Variants in ARHGAP31 observed in about 807,000 individuals in gnomAD.
ARHGAP31 encodes rho GTPase-activating protein 31.
In ARHGAP31, 34 loss-of-function variants were observed where a neutral mutation model predicts 113.9. The observed-to-expected ratio is 0.30, with a 90% CI of 0.23 to 0.40. ARHGAP31 has a LOEUF of 0.40. Among genes scored for constraint, ARHGAP31 ranks in the 10% least tolerant of loss-of-function variants. The pLI is 1.00. For missense variants in ARHGAP31, 1,548 were observed against 1,767.1 expected (o/e 0.88, Z 2.22); for synonymous variants, 650 against 684.8 (o/e 0.95, Z 0.79).
chr3:119,414,558 G>GA lies in ARHGAP31; in HGVS notation c.2630dup (p.Asp877GlufsTer13). On this transcript the variant is annotated frameshift_variant, in exon 12 of 12. Coordinates refer to ENST00000264245, the MANE Select transcript of ARHGAP31 (RefSeq NM_020754.4). LOFTEE classifies it high-confidence loss of function. Reference sequence around the variant, plus strand: ...TGAGATCGTCTCACAAGAAGAGGAGGATGTAACCCATTCAGTACAGGAGCC... The same window carrying GA: ...TGAGATCGTCTCACAAGAAGAGGAGGAATGTAACCCATTCAGTACAGGAGCC... 1 of 1,614,222 alleles carries GA rather than the reference G, an allele frequency of 6.2e-7. No homozygotes were observed. The highest frequency in any genetic ancestry group is 8.5e-7 in the Non-Finnish European group (1 of 1,180,038).
At chr3:119,347,567 T>A (rs1345207032) in intron 1 of ARHGAP31, among the ~76,000 whole-genome samples, 1 of 152,186 alleles carries the variant, frequency 6.6e-6, no homozygotes, top group Non-Finnish European at 1.5e-5. Context: ...AGTGTCTTCA[T>A]GGAAGCTTTA....
intron 10 of ARHGAP31, among the ~76,000 whole-genome samples, chr3:119,408,850 A>G (rs2080689097): frequency 6.6e-6 from 1 of 152,198 alleles, no homozygotes; most frequent in Non-Finnish European, 1.5e-5. Context: ...TAAGAACAGA[A>G]CTTAATCACT....
chr3:119,309,693 A>G (rs947665628), intron 1 of ARHGAP31, among the ~76,000 whole-genome samples: 2 of 152,032 alleles, frequency 1.3e-5, no homozygotes, highest in African/African-American at 4.8e-5. Context: ...CCAGGAGGTC[A>G]AAGCCGCAGT....
intron 8 of ARHGAP31, among the ~76,000 whole-genome samples, chr3:119,396,283 G>A (rs2080549762): frequency 6.6e-6 from 1 of 152,188 alleles, no homozygotes; most frequent in Non-Finnish European, 1.5e-5. Context: ...CAGAAGTTCT[G>A]TGGTGAGGTC....
chr3:119,359,179 G>A (rs574028057), intron 1 of ARHGAP31, among the ~76,000 whole-genome samples: 6 of 151,872 alleles, frequency 4.0e-5, no homozygotes, highest in Non-Finnish European at 5.9e-5. Flanking sequence ...CACCATGCCC[G>A]GCTAGTTTTT....
At chr3:119,384,071 T>A (rs2080426813) in intron 6 of ARHGAP31, among the ~76,000 whole-genome samples, 1 of 152,226 alleles carries the variant, frequency 6.6e-6, no homozygotes, top group African/African-American at 2.4e-5. Context: ...GGAGAATCAC[T>A]GGTGCATAAA....
intron 1 of ARHGAP31, among the ~76,000 whole-genome samples, chr3:119,337,983 G>T (rs560967114): frequency 6.6e-6 from 1 of 152,298 alleles, no homozygotes; most frequent in South Asian, 2.1e-4. Flanking sequence ...ATTCATTTAA[G>T]GTCTATATAT....
At chr3:119,295,214 T>C (rs1376730774) in intron 1 of ARHGAP31, among the ~76,000 whole-genome samples, 2 of 151,758 alleles carry the variant, frequency 1.3e-5, no homozygotes. Flanking sequence ...GAGGCTGCTG[T>C]GTCAGTCCTT....
At chr3:119,296,764 G>A (rs2079536917) in intron 1 of ARHGAP31, among the ~76,000 whole-genome samples, 1 of 152,064 alleles carries the variant, frequency 6.6e-6, no homozygotes, top group South Asian at 2.1e-4. Flanking sequence ...AAAAAAAACA[G>A]AGACTACTGC....
rs1260657578 is a variant in ARHGAP31 at position 119,417,185 on chromosome 3, A to C, written c.*921A>C. On this transcript the variant is annotated 3_prime_UTR_variant, in exon 12 of 12. Transcript: ENST00000264245. ...GGATGTCACCATAGATAAAAGCCTC[A>C]TACAAAGGCAGAACTACACTCCAAA... 1 of 152,190 alleles carries C rather than the reference A, an allele frequency of 6.6e-6. No individual in the cohort carries two copies. The highest frequency in any genetic ancestry group is 2.4e-5 in the African/African-American group (1 of 41,436). The allele number at this position is 152,190 out of a possible 1,614,324, so 9.4% of individuals were successfully genotyped here.
At chr3:119,377,059 G>T (rs926443946) in intron 3 of ARHGAP31, among the ~76,000 whole-genome samples, 1 of 152,230 alleles carries the variant, frequency 6.6e-6, no homozygotes, top group Non-Finnish European at 1.5e-5. Flanking sequence ...TGGAAGTGTG[G>T]CCCAAATGTG....
intron 1 of ARHGAP31, among the ~76,000 whole-genome samples, chr3:119,307,940 CAAA>C (rs71156742): frequency 1.3e-4 from 6 of 45,464 alleles, no homozygotes; most frequent in South Asian, 1.1e-3. Context: ...GAATTAACAG[CAAA>C]AAAAAAAAAA....
At chr3:119,336,461 C>T (rs952533356) in intron 1 of ARHGAP31, among the ~76,000 whole-genome samples, 5 of 151,918 alleles carry the variant, frequency 3.3e-5, no homozygotes, top group Admixed American at 3.3e-4. Context: ...ACCTTGCATA[C>T]CCAAAATAAG....
intron 1 of ARHGAP31, among the ~76,000 whole-genome samples, chr3:119,344,087 C>T (rs143963195): frequency 6.6e-6 from 1 of 152,284 alleles, no homozygotes; most frequent in African/African-American, 2.4e-5. Flanking sequence ...GACAGAGTTG[C>T]CACATTCAGC....
rs73854467 is a variant in ARHGAP31, at chr3:119,303,752, A to C, written c.100+8748A>C. Reference sequence around the variant, plus strand: ...GGCAATTGAGCTAATTTGTGTGATTATGCATATTTCTTTCCCCAGCTCTTT... The same window carrying C: ...GGCAATTGAGCTAATTTGTGTGATTCTGCATATTTCTTTCCCCAGCTCTTT... On this transcript the variant is annotated intron_variant, in intron 1 of 11. Coordinates refer to ENST00000264245, the MANE Select transcript of ARHGAP31 (RefSeq NM_020754.4). Among the ~76,000 whole-genome samples, 182 of 151,920 alleles carry C rather than the reference A, an allele frequency of 1.2e-3. 1 individual carries two copies. The highest frequency in any genetic ancestry group is 4.3e-3 in the African/African-American group (176 of 41,300).
chr3:119,317,160 G>T (rs904679722), intron 1 of ARHGAP31, among the ~76,000 whole-genome samples: 2 of 151,666 alleles, frequency 1.3e-5, no homozygotes, highest in African/African-American at 2.4e-5. Context: ...TGTATGGTAT[G>T]TCACATTTCT....
chr3:119,415,460 C>T lies in ARHGAP31; in HGVS notation c.3531C>T (p.Asn1177=). ...IVAHALTGRR[N]SAPVSVSAVR... ...CTCATGCACTGACAGGCCGCCGTAACTCAGCTCCTGTGAGTGTGTCAGCTG... is the reference window on the plus strand; with the variant it reads ...CTCATGCACTGACAGGCCGCCGTAATTCAGCTCCTGTGAGTGTGTCAGCTG... Residue 1177 remains asparagine (N), a synonymous_variant, in exon 12 of 12, where the codon AAC becomes AAT. Transcript: ENST00000264245. 6.2e-7 allele frequency: 1 copy of T among 1,614,094 alleles called. No homozygotes were observed. The highest frequency in any genetic ancestry group is 8.5e-7 in the Non-Finnish European group (1 of 1,180,042).
chr3:119,415,571 G>T lies in ARHGAP31; in HGVS notation c.3642G>T (p.Gln1214His). ...AGATTCAGTACACCCAGATCCCACA[G>T]CCCCTGCCCTCTCAGAGCTCAGGGG... ...PPKIQYTQIPQPLPSQSSGEN... is the reference protein window; with the variant it reads ...PPKIQYTQIPHPLPSQSSGEN... The change falls in exon 12 of 12, where the codon CAG becomes CAT. Residue 1214 changes from glutamine to histidine, a missense_variant. Transcript: ENST00000264245. The T allele has an allele frequency of 1.2e-6, 2 of 1,614,140 alleles. No individual in the cohort carries two copies. The highest frequency in any genetic ancestry group is 1.7e-6 in the Non-Finnish European group (2 of 1,180,024).
intron 3 of ARHGAP31, among the ~76,000 whole-genome samples, chr3:119,369,121 A>T (rs774204420): frequency 1.2e-4 from 19 of 152,230 alleles, no homozygotes; most frequent in Non-Finnish European, 2.1e-4. Context: ...TATGGTCACC[A>T]AATAGGGCAC....
Sources: allele counts gnomAD v4.1 joint callset (sites outside exome capture counted in the v4.1 genomes callset), GRCh38; gene constraint gnomAD v4.1.1; transcripts MANE v1.5; gene names NCBI Gene and HGNC (gene_info 2026-07-23, HGNC 2026-07-21).